NR1H4: variants seen among roughly 807,000 people sequenced by gnomAD.
NR1H4 encodes the protein nuclear receptor subfamily 1 group H member 4.
A neutral mutation model predicts 58.5 loss-of-function variants in NR1H4; 23 were observed. That is an observed-to-expected ratio of 0.39 (90% CI 0.28 to 0.56). The LOEUF (loss-of-function observed/expected upper bound fraction) is 0.56, where lower values mean the gene tolerates loss of function less well. Among genes scored for constraint, NR1H4 ranks in the 20% least tolerant of loss-of-function variants. The probability of loss-of-function intolerance (pLI) is 0.58; values close to 1 mark genes in which losing one functional copy is unlikely to be tolerated. For missense variants in NR1H4, 487 were observed against 576.9 expected, an observed-to-expected ratio of 0.84 and a Z score of 1.60; for synonymous variants, 214 against 198.0, an observed-to-expected ratio of 1.08 and a Z score of -0.68.
At chr12:100,535,326 A>AT (rs1450317520) in intron 6 of NR1H4, among the ~76,000 whole-genome samples, 3 of 152,194 alleles carry the variant, frequency 2.0e-5, no homozygotes, top group African/African-American at 7.2e-5. Context: ...ATTGATGACC[A>AT]TTTTTTCCCT....
intron 9 of NR1H4, among the ~76,000 whole-genome samples, chr12:100,542,478 A>G (rs936420547): frequency 1.3e-5 from 2 of 152,214 alleles, no homozygotes; most frequent in African/African-American, 4.8e-5. Flanking sequence ...AGAGACATTG[A>G]GATGAATTAC....
Position 100,532,618 on chromosome 12 carries a change from C to T in NR1H4, c.598+8C>T, listed in dbSNP as rs745489521. On this transcript the variant is annotated splice_region_variant and intron_variant, in intron 5 of 10. Coordinates refer to ENST00000392986, the MANE Select transcript of NR1H4 (RefSeq NM_001206979.2). ...CTGAATGTATGTATACAGGTATTCA[C>T]TTCAAGCAATTACATTTCACTAAAA... 2 of 1,613,020 alleles carry T rather than the reference C, an allele frequency of 1.2e-6. No individual in the cohort carries two copies. Among genetic ancestry groups the T allele is most frequent in the Admixed American group, 3.3e-5 (2 of 60,010 alleles).
intron 4 of NR1H4, among the ~76,000 whole-genome samples, chr12:100,517,263 A>G (rs1020274691): frequency 6.6e-6 from 1 of 152,160 alleles, no homozygotes; most frequent in African/African-American, 2.4e-5. Context: ...GATTCTACAT[A>G]TAAGTGAGAT....
chr12:100,495,348 C>A (rs1168521179), intron 3 of NR1H4, among the ~76,000 whole-genome samples: 1 of 152,174 alleles, frequency 6.6e-6, no homozygotes, highest in African/African-American at 2.4e-5. Flanking sequence ...ATTAGGACTC[C>A]TTTTCCTTTT....
At chr12:100,477,915 G>T (rs1477763515) in intron 1 of NR1H4, among the ~76,000 whole-genome samples, 1 of 152,134 alleles carries the variant, frequency 6.6e-6, no homozygotes, top group Non-Finnish European at 1.5e-5. Context: ...GCTTCAGGGG[G>T]CCAGGGTCAC....
chr12:100,520,080 C>T (rs1236912089), intron 4 of NR1H4, among the ~76,000 whole-genome samples: 1 of 152,150 alleles, frequency 6.6e-6, no homozygotes, highest in Non-Finnish European at 1.5e-5. Context: ...GGACCAATGC[C>T]TCATGCCTGC....
rs1037436410 is a variant in NR1H4, at chr12:100,532,397, C to G, written c.446-61C>G. On this transcript the variant is annotated intron_variant, in intron 4 of 10. Coordinates refer to ENST00000392986, the MANE Select transcript of NR1H4 (RefSeq NM_001206979.2). Reference sequence around the variant, plus strand: ...TGTCCTGGCATCTCTCAATCCAAACCTGTTTTTTTCCTGAGAAGCTGTGAG... The same window carrying G: ...TGTCCTGGCATCTCTCAATCCAAACGTGTTTTTTTCCTGAGAAGCTGTGAG... 1.0e-5 allele frequency: 16 copies of G among 1,574,924 alleles called. No homozygotes were observed. The East Asian group carries it at 3.1e-4, about 31-fold the overall frequency.
At chr12:100,526,908 A>G (rs149554647) in intron 4 of NR1H4, among the ~76,000 whole-genome samples, 100 of 152,356 alleles carry the variant, frequency 6.6e-4, no homozygotes, top group African/African-American at 2.2e-3. Flanking sequence ...TGTGAGAGTT[A>G]TCTTTATTTA....
rs367927965 is a variant in NR1H4 at position 100,504,718 on chromosome 12, G to C, written c.80-6060G>C. On this transcript the variant is annotated intron_variant, in intron 3 of 10. Transcript: ENST00000392986. ...AAGGAAGGAACAGAAGCTTAAAGAA[G>C]TTCCATGTCTTTCCCAGGTTCATAT... Among the ~76,000 whole-genome samples, 11 of 152,298 alleles carry C rather than the reference G, an allele frequency of 7.2e-5. No individual in the cohort carries two copies. The East Asian group carries it at 1.5e-3, about 21-fold the overall frequency.
At chr12:100,483,894 G>T (rs927404628) in intron 1 of NR1H4, among the ~76,000 whole-genome samples, 3 of 148,886 alleles carry the variant, frequency 2.0e-5, no homozygotes, top group African/African-American at 7.5e-5. Context: ...TGAGGCAGGA[G>T]AATCACTTGA....
At chr12:100,527,493 A>G (rs1451020799) in intron 4 of NR1H4, among the ~76,000 whole-genome samples, 1 of 152,218 alleles carries the variant, frequency 6.6e-6, no homozygotes, top group East Asian at 1.9e-4. Context: ...TGATTGCACC[A>G]TGCAATCCAC....
intron 9 of NR1H4, among the ~76,000 whole-genome samples, chr12:100,561,381 G>A (rs779770059): frequency 6.6e-6 from 1 of 151,990 alleles, no homozygotes; most frequent in African/African-American, 2.4e-5. Flanking sequence ...CTGGGTGACA[G>A]AGCGAGACTC....
chr12:100,522,737 C>G (rs1954458773), intron 4 of NR1H4, among the ~76,000 whole-genome samples: 1 of 152,014 alleles, frequency 6.6e-6, no homozygotes, highest in South Asian at 2.1e-4. Flanking sequence ...TCTCTGAAGT[C>G]TATTATACAC....
At chr12:100,504,347 C>T (rs913364195) in intron 3 of NR1H4, among the ~76,000 whole-genome samples, 1 of 152,064 alleles carries the variant, frequency 6.6e-6, no homozygotes, top group Non-Finnish European at 1.5e-5. Context: ...TGGTCATAGA[C>T]TTGGTAGCAT....
intron 4 of NR1H4, among the ~76,000 whole-genome samples, chr12:100,523,921 C>G (rs1479938092): frequency 6.6e-6 from 1 of 151,826 alleles, no homozygotes; most frequent in East Asian, 1.9e-4. Context: ...CATAACTCAG[C>G]TAAAATAGAC....
chr12:100,521,167 G>A (rs979315655), intron 4 of NR1H4, among the ~76,000 whole-genome samples: 3 of 151,250 alleles, frequency 2.0e-5, no homozygotes, highest in African/African-American at 4.8e-5. Context: ...AAAGATCAGG[G>A]TTAAATTTCC....
At chr12:100,553,630 A>G (rs542465471) in intron 9 of NR1H4, among the ~76,000 whole-genome samples, 11 of 152,280 alleles carry the variant, frequency 7.2e-5, no homozygotes, top group Admixed American at 2.6e-4. Flanking sequence ...AAGTAAGAAA[A>G]TGTATGAGCT....
chr12:100,511,660 G>T (rs1053829474), intron 4 of NR1H4, among the ~76,000 whole-genome samples: 4 of 152,320 alleles, frequency 2.6e-5, no homozygotes, highest in Non-Finnish European at 5.9e-5. Flanking sequence ...GGTGGCTCAT[G>T]CCTGTAATCC....
chr12:100,530,563 A>G (rs1190150904), intron 4 of NR1H4, among the ~76,000 whole-genome samples: 1 of 152,344 alleles, frequency 6.6e-6, no homozygotes, highest in East Asian at 1.9e-4. Flanking sequence ...TGGATATTCA[A>G]GAACCAGTTA....
Sources: gnomAD v4.1 joint callset for allele counts (sites outside exome capture counted in the v4.1 genomes callset) on GRCh38, gnomAD v4.1.1 for gene constraint, MANE v1.5 for transcripts, NCBI Gene and HGNC (gene_info 2026-07-23, HGNC 2026-07-21) for gene names.